The following LSR variants were observed in gnomAD, a reference collection of about 807,000 sequenced individuals.
LSR encodes the protein lipolysis-stimulated lipoprotein receptor.
A neutral mutation model predicts 61.8 loss-of-function variants in LSR; 44 were observed. The ratio of observed to expected loss-of-function variants is 0.71; its 90% CI spans 0.56 to 0.91. The LOEUF is 0.91. LSR is among the 40% of genes least tolerant of loss of function. The pLI, the probability that LSR is intolerant of heterozygous loss-of-function variation, is 0.00. For synonymous variants in LSR, 397 were observed against 350.6 expected (o/e 1.13, Z -1.48); for missense variants, 911 against 830.5 (o/e 1.10, Z -1.19).
intron 1 of LSR, among the ~76,000 whole-genome samples, chr19:35,249,909 A>G (rs1474796796): frequency 2.6e-5 from 4 of 152,098 alleles, no homozygotes; most frequent in Admixed American, 2.6e-4. Context: ...GTAACCTGGA[A>G]TCCTTCGTAG....
Position 35,267,685 on chromosome 19 carries a change from C to A in LSR, c.1721C>A (p.Pro574Gln), listed in dbSNP as rs1456280982. The A allele has an allele frequency of 6.2e-7, 1 of 1,604,472 alleles. No individual in the cohort carries two copies. Among genetic ancestry groups the A allele is most frequent in the Non-Finnish European group, 8.5e-7 (1 of 1,176,050 alleles). The change falls in exon 9 of 10, where the codon CCG becomes CAG. Residue 574 changes from proline to glutamine, a missense_variant. Pro to Gln is a moderately conservative substitution (Grantham distance 76, BLOSUM62 -1). Coordinates refer to ENST00000605618, the MANE Select transcript of LSR (RefSeq NM_205834.4). The stretch of plus-strand genomic sequence containing the variant: ...GCCTACTACCCGCCCGCGCCGCCCC[C>A]GTACTCGGAGACCGACTCGCAGGCG... ...EEAYYPPAPP[P>Q]YSETDSQASR...
At chr19:35,250,288 C>T in intron 1 of LSR, 27 bp from the exon 2 acceptor site, 2 of 1,468,868 alleles carry the variant, frequency 1.4e-6, no homozygotes, top group Non-Finnish European at 9.2e-7. Context: ...TCACAGCAAC[C>T]CTTGCTGTCT....
At chr19:35,266,216 G>T in intron 5 of LSR, 143 bp from the exon 6 acceptor site, 1 of 611,348 alleles carries the variant, frequency 1.6e-6, no homozygotes, top group South Asian at 2.6e-5. Context: ...GACCAACAGG[G>T]ACTCAGATGT....
chr19:35,267,229 G>A lies in LSR; in HGVS notation c.1265G>A (p.Gly422Glu). 1 of 1,526,604 alleles carries A rather than the reference G, an allele frequency of 6.6e-7. No individual in the cohort carries two copies. Among genetic ancestry groups the A allele is most frequent in the East Asian group, 2.3e-5 (1 of 43,940 alleles). 94.6% of individuals were successfully genotyped at this position (1,526,604 alleles called of 1,614,324 possible). The change falls in exon 9 of 10, where the codon GGA (glycine) becomes GAA (glutamate). Residue 422 changes from glycine to glutamate, a missense_variant. Physicochemically the swap from Gly to Glu is moderately conservative, Grantham distance 98. Coordinates refer to ENST00000605618, the MANE Select transcript of LSR (RefSeq NM_205834.4). ...WGGHSPRSPR[G>E]WDQEPAREQA... Reference sequence around the variant, plus strand: ...GGCCACTCCCCCCGGAGTCCCAGGGGATGGGACCAGGAGCCCGCCAGGGAG... The same window carrying A: ...GGCCACTCCCCCCGGAGTCCCAGGGAATGGGACCAGGAGCCCGCCAGGGAG...
rs753664531 is a variant in LSR at position 35,267,154 on chromosome 19, G to C, written c.1190G>C (p.Arg397Pro). The change falls in exon 9 of 10, where the codon CGG (arginine) becomes CCG (proline). Residue 397 changes from arginine (R) to proline (P), a missense_variant. Transcript: ENST00000605618. Reference protein sequence around the residue: ...TSLHEDDWRSRPSRGPALTPI... With the variant: ...TSLHEDDWRSPPSRGPALTPI... ...CTCCACGAGGACGACTGGCGATCTC[G>C]GCCTTCCCGGGGCCCTGCCCTCACC... 2.6e-6 allele frequency: 4 copies of C among 1,529,042 alleles called. No individual in the cohort carries two copies. Among genetic ancestry groups the C allele is most frequent in the South Asian group, 2.6e-5 (2 of 76,196 alleles). 94.7% of individuals were successfully genotyped at this position (1,529,042 alleles called of 1,614,324 possible).
At chr19:35,256,374 AT>A (rs2065856950) in intron 2 of LSR, among the ~76,000 whole-genome samples, 1 of 152,256 alleles carries the variant, frequency 6.6e-6, no homozygotes, top group Non-Finnish European at 1.5e-5. Context: ...AAAAATAATC[AT>A]TTTCTGAAAT....
chr19:35,249,659 T>A (rs527476917), intron 1 of LSR, among the ~76,000 whole-genome samples: 1 of 152,020 alleles, frequency 6.6e-6, no homozygotes, highest in East Asian at 1.9e-4. Context: ...AAGAGTCTGG[T>A]GGGATGGATT....
At position 35,267,132 on chromosome 19, in the gene LSR, C is replaced by T; in HGVS notation, c.1168C>T (p.His390Tyr). The change falls in exon 9 of 10, where the codon CAC becomes TAC. Residue 390 changes from histidine to tyrosine, a missense_variant. Coordinates refer to ENST00000605618, the MANE Select transcript of LSR (RefSeq NM_205834.4). ...ERAMSEVTSL[H>Y]EDDWRSRPSR... ...AGCCATGAGTGAAGTCACCTCCCTC[C>T]ACGAGGACGACTGGCGATCTCGGCC... 6.5e-7 allele frequency: 1 copy of T among 1,529,674 alleles called. No homozygotes were observed. The highest frequency in any genetic ancestry group is 1.3e-5 in the South Asian group (1 of 76,196). 94.8% of individuals were successfully genotyped at this position (1,529,674 alleles called of 1,614,324 possible). A position where few individuals can be genotyped will look rare whatever the true frequency, so the allele number is the denominator to read the frequency against.
intron 2 of LSR, among the ~76,000 whole-genome samples, chr19:35,251,114 C>T (rs2065788351): frequency 6.6e-6 from 1 of 152,152 alleles, no homozygotes; most frequent in South Asian, 2.1e-4. Context: ...TACTATTCTT[C>T]CTTCTGCTAA....
intron 3 of LSR, among the ~76,000 whole-genome samples, chr19:35,260,544 G>A (rs1035578634): frequency 6.6e-6 from 1 of 151,792 alleles, no homozygotes; most frequent in African/African-American, 2.4e-5. Context: ...CCACCCACCT[G>A]GGCCTCCCAA....
At chr19:35,255,672 TCTG>T (rs1205096656) in intron 2 of LSR, among the ~76,000 whole-genome samples, 5 of 152,190 alleles carry the variant, frequency 3.3e-5, no homozygotes, top group African/African-American at 1.2e-4. Flanking sequence ...CCCCTTCACA[TCTG>T]CTCTGAAGGT....
In LSR at chr19:35,249,142, C is replaced by T. The variant is rs1251044147; in HGVS notation, c.109+11C>T. ...GCACCTGGTGCACAGGTACGGGGCA[C>T]GGGGCCTCTGACGCTGCGGAACGCC... On this transcript the variant is annotated intron_variant, in intron 1 of 9. Coordinates refer to ENST00000605618, the MANE Select transcript of LSR (RefSeq NM_205834.4). The T allele has an allele frequency of 2.0e-6, 3 of 1,524,914 alleles. No homozygotes were observed. The highest frequency in any genetic ancestry group is 2.8e-5 in the African/African-American group (2 of 71,182). The allele number at this position is 1,524,914 out of a possible 1,614,324, so 94.5% of individuals were successfully genotyped here.
chr19:35,267,617 G>A lies in LSR; in HGVS notation c.1653G>A (p.Gly551=), dbSNP rs140932263. Residue 551 remains glycine, a synonymous_variant, in exon 9 of 10, where the codon GGG becomes GGA. Transcript: ENST00000605618. ...TGGAGGAGGCTGTGAGGAAGAAGGG[G>A]TCGGAGGAGAGGAGGAGACCCCACA... ...RLLEEAVRKK[G]SEERRRPHKE... 1.5e-4 allele frequency: 249 copies of A among 1,612,434 alleles called. No homozygotes were observed. In the African/African-American group the frequency reaches 3.0e-3, roughly 20 times the overall value.
chr19:35,256,220 C>T (rs7259405), intron 2 of LSR, among the ~76,000 whole-genome samples: 1,483 of 145,218 alleles, frequency 0.01, 24 homozygotes, highest in African/African-American at 0.036. Context: ...GGCAACAGAG[C>T]GAGACTCCAT....
At chr19:35,257,373 C>T (rs2065868683) in intron 2 of LSR, among the ~76,000 whole-genome samples, 1 of 152,160 alleles carries the variant, frequency 6.6e-6, no homozygotes, top group Admixed American at 6.6e-5. Flanking sequence ...AGGGGTGAGG[C>T]TGGCACGGTA....
chr19:35,263,567 G>T (rs2065959092), intron 5 of LSR, among the ~76,000 whole-genome samples: 1 of 151,978 alleles, frequency 6.6e-6, no homozygotes, highest in Non-Finnish European at 1.5e-5. Context: ...TCAGTATGTT[G>T]CCCAGCCTGA....
In LSR at chr19:35,249,121, C is replaced by T; in HGVS notation, c.99C>T (p.Thr33=). ...AVVFVWLLLS[T]WCTAPARAIQ... ...TCTTCGTGTGGCTTCTGCTTAGCAC[C>T]TGGTGCACAGGTACGGGGCACGGGG... Residue 33 remains threonine, a synonymous_variant, in exon 1 of 10, where the codon ACC becomes ACT. Coordinates refer to ENST00000605618, the MANE Select transcript of LSR (RefSeq NM_205834.4). 1 of 1,543,974 alleles carries T rather than the reference C, an allele frequency of 6.5e-7. No homozygotes were observed. Among genetic ancestry groups the T allele is most frequent in the South Asian group, 1.2e-5 (1 of 83,488 alleles).
chr19:35,254,549 C>T (rs149589561), intron 2 of LSR, among the ~76,000 whole-genome samples: 1,582 of 152,296 alleles, frequency 0.01, 24 homozygotes, highest in African/African-American at 0.036. Context: ...TCCACCTCCT[C>T]GGGCTCCTTG....
rs1201351277 is a variant in LSR at position 35,249,086 on chromosome 19, G to A, written c.64G>A (p.Asp22Asn). 1 of 1,557,522 alleles carries A rather than the reference G, an allele frequency of 6.4e-7. No homozygotes were observed. The highest frequency in any genetic ancestry group is 2.0e-5 in the Admixed American group (1 of 50,674). Residue 22 changes from aspartate (D) to asparagine (N), a missense_variant, in exon 1 of 10, where the codon GAC (aspartate) becomes AAC (asparagine). By Grantham distance (23) the Asp-to-Asn change is conservative (BLOSUM62 1). Coordinates refer to ENST00000605618, the MANE Select transcript of LSR (RefSeq NM_205834.4). ...CTCCCACCCGGCCGCCGCAGGCCGG[G>A]ACGCGGTCGTCTTCGTGTGGCTTCT... Reference protein sequence around the residue: ...LGSHPAAAGRDAVVFVWLLLS... With the variant: ...LGSHPAAAGRNAVVFVWLLLS...
Sources: gnomAD v4.1 joint callset for allele counts (sites outside exome capture counted in the v4.1 genomes callset) on GRCh38, gnomAD v4.1.1 for gene constraint, MANE v1.5 for transcripts, NCBI Gene and HGNC (gene_info 2026-07-23, HGNC 2026-07-21) for gene names.